The following SYNE1 variants were observed in gnomAD, a reference collection of about 807,000 sequenced individuals.
The protein encoded by SYNE1 is spectrin repeat containing nuclear envelope protein 1.
SYNE1 carries 616 observed loss-of-function variants against 1,111.0 expected under a neutral mutation model. The observed-to-expected ratio is 0.55, with a 90% CI of 0.52 to 0.59. SYNE1 has a LOEUF of 0.59. Ranked by LOEUF, SYNE1 falls within the 20% of genes least tolerant of loss-of-function variation. The pLI, the probability that SYNE1 is intolerant of heterozygous loss-of-function variation, is 0.00. For synonymous variants in SYNE1, 3,855 were observed against 3,825.8 expected (o/e 1.01, Z -0.28); for missense variants, 10,006 against 10,417.0 (o/e 0.96, Z 1.72).
intron 107 of SYNE1, among the ~76,000 whole-genome samples, chr6:152,240,005 C>A (rs2085195095): frequency 6.6e-6 from 1 of 152,176 alleles, no homozygotes; most frequent in Admixed American, 6.5e-5. Context: ...TTGCAGTGAG[C>A]CAAGATCGTG....
intron 98 of SYNE1, among the ~76,000 whole-genome samples, chr6:152,276,116 C>CA (rs2093613127): frequency 6.7e-6 from 1 of 148,828 alleles, no homozygotes; most frequent in Non-Finnish European, 1.5e-5. Flanking sequence ...CTCACTGCAA[C>CA]CTCTGCCTCC....
At chr6:152,401,834 T>C (rs886576558) in intron 46 of SYNE1, among the ~76,000 whole-genome samples, 3 of 152,324 alleles carry the variant, frequency 2.0e-5, no homozygotes. Context: ...CTGGATGATA[T>C]AGCTGAGGAG....
At chr6:152,367,060 T>C (rs2097094257) in intron 62 of SYNE1, 158 bp downstream of exon 62, 1 of 879,156 alleles carries the variant, frequency 1.1e-6, no homozygotes, top group African/African-American at 1.6e-5. Flanking sequence ...AGGAATTCTC[T>C]GGCATGTGCA....
chr6:152,272,084 CA>C (rs969969017), intron 98 of SYNE1, among the ~76,000 whole-genome samples: 1 of 152,198 alleles, frequency 6.6e-6, no homozygotes, highest in Non-Finnish European at 1.5e-5. Flanking sequence ...TTTATATGCA[CA>C]GATATATATT....
At chr6:152,428,569 T>C (rs2098396501) in intron 36 of SYNE1, among the ~76,000 whole-genome samples, 177 bp from the exon 37 acceptor site, 1 of 152,196 alleles carries the variant, frequency 6.6e-6, no homozygotes, top group South Asian at 2.1e-4. Flanking sequence ...GTTCAATAGA[T>C]TAGTAGGGGG....
chr6:152,430,956 C>T (rs1179090315), intron 34 of SYNE1, among the ~76,000 whole-genome samples: 3 of 152,206 alleles, frequency 2.0e-5, no homozygotes, highest in East Asian at 3.9e-4. Flanking sequence ...GCTACTCTTG[C>T]TTGCAGTGAA....
intron 3 of SYNE1, among the ~76,000 whole-genome samples, chr6:152,584,179 T>A (rs2099529699): frequency 6.6e-6 from 1 of 151,898 alleles, no homozygotes; most frequent in East Asian, 1.9e-4. Context: ...AGGGTTCTGG[T>A]GAGATTTAAA....
At chr6:152,571,196 A>G (rs1255065039) in intron 3 of SYNE1, among the ~76,000 whole-genome samples, 8 of 152,198 alleles carry the variant, frequency 5.3e-5, no homozygotes, top group South Asian at 2.1e-4. Flanking sequence ...TTTTAACCCA[A>G]TGGAATAGAA....
chr6:152,245,614 T>C lies in SYNE1; in HGVS notation c.19573-958A>G, dbSNP rs535521255. 5.9e-5 allele frequency among the ~76,000 whole-genome samples: 9 copies of C among 152,242 alleles called. No individual in the cohort carries two copies. The East Asian group carries it at 1.2e-3, about 20-fold the overall frequency. ...AGAAAAGAAAACAATGCCAACAATA[T>C]GTTGGGAGCTAGAAGTCAAAAGAAT... On this transcript the variant is annotated intron_variant, in intron 105 of 145. Transcript: ENST00000367255.
At chr6:152,376,636 G>A (rs2154103782) in intron 57 of SYNE1, 78 bp from the exon 58 acceptor site, 1 of 1,582,112 alleles carries the variant, frequency 6.3e-7, no homozygotes, top group African/African-American at 1.4e-5. Flanking sequence ...AGAATCACCA[G>A]TTCTTAGAAT....
chr6:152,348,356 A>G (rs2096677010), intron 72 of SYNE1, among the ~76,000 whole-genome samples: 1 of 152,146 alleles, frequency 6.6e-6, no homozygotes. Context: ...GAGCATTCTT[A>G]TAGATGACTC....
In SYNE1 at chr6:152,498,546, A is replaced by G. The variant is rs138904081; in HGVS notation, c.939+196T>C. On this transcript the variant is annotated intron_variant, in intron 11 of 145. Coordinates refer to ENST00000367255, the MANE Select transcript of SYNE1 (RefSeq NM_182961.4). ...GATTAATGGGCAAGTCCATGGGAGTAGCTTAGACTATCACTAACATTTGGT... is the reference window on the plus strand; with the variant it reads ...GATTAATGGGCAAGTCCATGGGAGTGGCTTAGACTATCACTAACATTTGGT... Among the ~76,000 whole-genome samples, 10 of 152,324 alleles carry G rather than the reference A, an allele frequency of 6.6e-5. No individual in the cohort carries two copies. The East Asian group carries it at 1.9e-3, about 29-fold the overall frequency.
chr6:152,449,716 T>C, intron 27 of SYNE1, 75 bp from the exon 28 acceptor site: 1 of 1,160,776 alleles, frequency 8.6e-7, no homozygotes, highest in South Asian at 1.3e-5. Flanking sequence ...CTATTTTGAA[T>C]TCACTCATGG....
At chr6:152,408,188 T>C (rs6924769) in intron 44 of SYNE1, among the ~76,000 whole-genome samples, 8,395 of 152,266 alleles carry the variant, frequency 0.055, 421 homozygotes, top group African/African-American at 0.13. Flanking sequence ...CCACTGTACA[T>C]CTGAAACTAG....
intron 135 of SYNE1, 139 bp downstream of exon 135, chr6:152,151,414 T>C: frequency 1.0e-6 from 1 of 1,004,986 alleles, no homozygotes; most frequent in Non-Finnish European, 1.4e-6. Context: ...TTATATATTT[T>C]ACATTTTCTG....
At chr6:152,224,441 CA>C in intron 117 of SYNE1, 52 bp downstream of exon 117, 1 of 1,512,840 alleles carries the variant, frequency 6.6e-7, no homozygotes, top group Non-Finnish European at 9.2e-7. Flanking sequence ...GGTAATTTTT[CA>C]GTTTTCTAAA....
chr6:152,428,537 G>C (rs1463615810), intron 36 of SYNE1, 145 bp from the exon 37 acceptor site: 5 of 774,082 alleles, frequency 6.5e-6, no homozygotes, highest in Non-Finnish European at 1.1e-5. Flanking sequence ...TATACAGTTT[G>C]ATAGAAGAAA....
In SYNE1 at chr6:152,510,993, G is replaced by C. The variant is rs1037106183; in HGVS notation, c.402+18C>G. 2 of 1,607,020 alleles carry C rather than the reference G, an allele frequency of 1.2e-6. No individual in the cohort carries two copies. The highest frequency in any genetic ancestry group is 1.7e-6 in the Non-Finnish European group (2 of 1,173,756). On this transcript the variant is annotated intron_variant, in intron 7 of 145. Transcript: ENST00000367255. ...CTGAGACATTGCATCAACTGAAAGA[G>C]GAACTGTAGCACAATACCTGGAAAT...
In SYNE1 at chr6:152,149,611, C is replaced by T; in HGVS notation, c.24508G>A (p.Gly8170Arg). The change falls in exon 136 of 146, where the codon GGA becomes AGA. Residue 8170 changes from glycine to arginine, a missense_variant. Gly to Arg is a moderately radical substitution (Grantham distance 125). Around this residue, in one of 7 missense-constraint regions of SYNE1, gnomAD observed 761 missense variants for 795.5 expected, o/e 0.96. Coordinates refer to ENST00000367255, the MANE Select transcript of SYNE1 (RefSeq NM_182961.4). ...TCACTCTTTTCTATCAGCTGTTCTC[C>T]TTGGGCAATTATCTGCTCAATCTTA... ...HNKIEQIIAQ[G>R]EQLIEKSEPL... is the part of the protein sequence containing the mutation. The T allele has an allele frequency of 1.2e-6, 2 of 1,614,130 alleles. No homozygotes were observed. The highest frequency in any genetic ancestry group is 1.7e-6 in the Non-Finnish European group (2 of 1,180,024).
Sources: gnomAD v4.1 joint callset for allele counts (sites outside exome capture counted in the v4.1 genomes callset) on GRCh38, gnomAD v4.1.1 for gene constraint, gnomAD v4.1.1 regional missense constraint, MANE v1.5 for transcripts, NCBI Gene and HGNC (gene_info 2026-07-23, HGNC 2026-07-21) for gene names.